LMNTD1: variants seen among roughly 807,000 people sequenced by gnomAD.
LMNTD1 encodes the protein lamin tail domain containing 1, also known as lamin tail domain-containing protein 1.
LMNTD1 carries 35 observed loss-of-function variants against 50.9 expected under a neutral mutation model. The ratio of observed to expected loss-of-function variants is 0.69; its 90% CI spans 0.53 to 0.91. LMNTD1 has a LOEUF of 0.91. Ranked by LOEUF, LMNTD1 falls within the 40% of genes least tolerant of loss-of-function variation. The pLI is 0.00. For missense variants in LMNTD1, 470 were observed against 475.5 expected (o/e 0.99, Z 0.11); for synonymous variants, 153 against 161.9 (o/e 0.94, Z 0.42).
chr12:25,598,830 A>T (rs1945900891), intron 1 of LMNTD1, among the ~76,000 whole-genome samples: 1 of 152,046 alleles, frequency 6.6e-6, no homozygotes, highest in Non-Finnish European at 1.5e-5. Flanking sequence ...ACAGACCAAT[A>T]ACAAGTAACA....
At chr12:25,503,866 C>T (rs1243492626) in intron 8 of LMNTD1, 66 bp from the exon 9 acceptor site, 1 of 788,866 alleles carries the variant, frequency 1.3e-6, no homozygotes, top group East Asian at 2.7e-5. Context: ...AGAGTTCAGT[C>T]CAGTATTCCA....
rs199919030 is a variant in LMNTD1 at position 25,587,576 on chromosome 12, CGGATG to C, written c.59-41027_59-41023del. ...TCACTCTTGTGAGGACAGCACCAAC[CGGATG>C]GTGCTAAACCATTCATGAGAAATCT... On this transcript the variant is annotated intron_variant, in intron 1 of 7. Coordinates refer to the LMNTD1 transcript ENST00000445693. Among the ~76,000 whole-genome samples the C allele has an allele frequency of 6.3e-3, 956 of 152,320 alleles. 34 individuals carry two copies. The highest frequency in any genetic ancestry group is 0.058 in the Admixed American group (892 of 15,296).
chr12:25,526,870 C>A lies in LMNTD1; in HGVS notation c.577G>T (p.Ala193Ser). The A allele has an allele frequency of 6.2e-7, 1 of 1,613,094 alleles. No homozygotes were observed. The highest frequency in any genetic ancestry group is 8.5e-7 in the Non-Finnish European group (1 of 1,179,288). ...TGCTGGAGAATATGATCTCCAATTG[C>A]CATTTCTTTGTCAAGGGAAGAGTTA... is the stretch of plus-strand genomic sequence containing the variant. ...LINSSLDKEM[A>S]IGDHILQQNV... The change falls in exon 5 of 10, where the codon GCA becomes TCA. Residue 193 changes from alanine to serine, a missense_variant. Transcript: ENST00000458174.
At chr12:25,542,223 A>G (rs1943130635) in intron 4 of LMNTD1, among the ~76,000 whole-genome samples, 1 of 152,180 alleles carries the variant, frequency 6.6e-6, no homozygotes, top group Non-Finnish European at 1.5e-5. Context: ...ATTACTGGGT[A>G]TATACCCAAA....
Position 25,582,013 on chromosome 12 carries a change from C to T in LMNTD1, c.59-35459G>A, listed in dbSNP as rs1195244895. On this transcript the variant is annotated intron_variant, in intron 1 of 7. Coordinates refer to the LMNTD1 transcript ENST00000445693. ...TTTACACCTGACTTCCTTTATTCCT[C>T]GACTTTTATCTCATCCTCATCCATG... 4.6e-5 allele frequency among the ~76,000 whole-genome samples: 7 copies of T among 152,196 alleles called. No homozygotes were observed. The South Asian group carries it at 6.2e-4, about 14-fold the overall frequency.
At chr12:25,642,436 G>A (rs1393018839) in intron 1 of LMNTD1, among the ~76,000 whole-genome samples, 1 of 152,136 alleles carries the variant, frequency 6.6e-6, no homozygotes, top group Non-Finnish European at 1.5e-5. Flanking sequence ...ACCAGAAGGA[G>A]GGCCCTCACT....
At chr12:25,647,933 T>G (rs961517347) in intron 1 of LMNTD1, among the ~76,000 whole-genome samples, 13 of 152,196 alleles carry the variant, frequency 8.5e-5, no homozygotes, top group Non-Finnish European at 1.8e-4. Flanking sequence ...TGTTTTCTCT[T>G]TCTCTTCCTT....
intron 9 of LMNTD1, among the ~76,000 whole-genome samples, chr12:25,477,432 T>C (rs1240279173): frequency 1.3e-5 from 2 of 151,968 alleles, no homozygotes; most frequent in Admixed American, 6.6e-5. Context: ...CCGTAGAAAG[T>C]GACTCTTTCC....
intron 4 of LMNTD1, among the ~76,000 whole-genome samples, chr12:25,532,775 G>A (rs1942312382): frequency 6.6e-6 from 1 of 151,794 alleles, no homozygotes; most frequent in East Asian, 1.9e-4. Flanking sequence ...ACCAAATTTT[G>A]GATGTAGCAT....
At chr12:25,580,302 C>T (rs1459329015) in intron 1 of LMNTD1, among the ~76,000 whole-genome samples, 1 of 152,068 alleles carries the variant, frequency 6.6e-6, no homozygotes, top group Non-Finnish European at 1.5e-5. Context: ...GTATTGATTC[C>T]ATTGTTAAGG....
chr12:25,560,430 G>T (rs1260623875), intron 1 of LMNTD1, among the ~76,000 whole-genome samples: 1 of 152,180 alleles, frequency 6.6e-6, no homozygotes, highest in African/African-American at 2.4e-5. Flanking sequence ...GTACCATGCT[G>T]TTTTGGTTAC....
chr12:25,542,250 T>A (rs1943131730), intron 4 of LMNTD1, among the ~76,000 whole-genome samples: 2 of 152,148 alleles, frequency 1.3e-5, no homozygotes, highest in Admixed American at 6.5e-5. Context: ...TAAATCATGC[T>A]GGTATAAAGA....
intron 1 of LMNTD1, among the ~76,000 whole-genome samples, chr12:25,601,029 C>T (rs1301416195): frequency 6.6e-6 from 1 of 151,904 alleles, no homozygotes; most frequent in Non-Finnish European, 1.5e-5. Context: ...TTCACAATAG[C>T]CAAAACTTGG....
At chr12:25,648,443 A>T (rs1947119701) in intron 1 of LMNTD1, 2 of 1,432,350 alleles carry the variant, frequency 1.4e-6, no homozygotes, top group Admixed American at 2.0e-5. Flanking sequence ...GAAATGAGGG[A>T]AGCCAGCGAA....
At chr12:25,511,780 C>T (rs1940316271) in intron 8 of LMNTD1, among the ~76,000 whole-genome samples, 1 of 152,170 alleles carries the variant, frequency 6.6e-6, no homozygotes, top group Admixed American at 6.6e-5. Context: ...CCTTACCAAA[C>T]TTTCTGGACT....
chr12:25,648,510 T>TCTGG lies in LMNTD1; in HGVS notation c.38_41dup (p.Arg14SerfsTer20). On this transcript the variant is annotated frameshift_variant, in exon 1 of 8. Coordinates refer to the LMNTD1 transcript ENST00000445693. LOFTEE classifies it high-confidence loss of function. ...CTCACTTACTGTGGTGGGTCTGGAC[T>TCTGG]CTGGAAACACCGATGTCTCCTGCTC... The TCTGG allele has an allele frequency of 6.4e-7, 1 of 1,551,706 alleles. No homozygotes were observed.
chr12:25,613,809 T>C (rs1458544569), intron 1 of LMNTD1, among the ~76,000 whole-genome samples: 6 of 151,874 alleles, frequency 4.0e-5, no homozygotes, highest in African/African-American at 1.5e-4. Context: ...TTCACTTTTT[T>C]CACAGAACCC....
Position 25,638,219 on chromosome 12 carries a change from C to A in LMNTD1, c.58+10275G>T, listed in dbSNP as rs77638460. Among the ~76,000 whole-genome samples, 555 of 152,154 alleles carry A rather than the reference C, an allele frequency of 3.6e-3. 5 individuals are homozygous for A. The East Asian group carries it at 0.041, about 11-fold the overall frequency. ...CTGATAAAGAACATCTACAAAAAAACTCACAGCTAACATACTTAACGGTGA... is the reference window on the plus strand; with the variant it reads ...CTGATAAAGAACATCTACAAAAAAAATCACAGCTAACATACTTAACGGTGA... On this transcript the variant is annotated intron_variant, in intron 1 of 7. Coordinates refer to the LMNTD1 transcript ENST00000445693.
In LMNTD1 at chr12:25,519,934, T is replaced by C. The variant is rs768035014; in HGVS notation, c.940A>G (p.Thr314Ala). 6 of 1,613,216 alleles carry C rather than the reference T, an allele frequency of 3.7e-6. No individual in the cohort carries two copies. The Admixed American group carries it at 1.0e-4, about 27-fold the overall frequency. The change falls in exon 7 of 10, where the codon ACT becomes GCT. Residue 314 changes from threonine (T) to alanine (A), a missense_variant. Coordinates refer to ENST00000458174, the MANE Select transcript of LMNTD1 (RefSeq NM_001145728.2). ...FQWTASTATI[T>A]KEKQDQPKKD... ...TTAGGTTGATCTTGTTTTTCTTTAG[T>C]TATTGTAGCTGTAGATGCTGTCCAC...
Sources: allele counts gnomAD v4.1 joint callset (sites outside exome capture counted in the v4.1 genomes callset), GRCh38; gene constraint gnomAD v4.1.1; transcripts MANE v1.5; gene names NCBI Gene and HGNC (gene_info 2026-07-23, HGNC 2026-07-21).